The following KIAA1549 variants were observed in gnomAD, a reference collection of about 807,000 sequenced individuals.
KIAA1549 encodes UPF0606 protein KIAA1549.
Under a neutral mutation model 156.4 loss-of-function variants are expected in KIAA1549, and 70 were observed. That is an observed-to-expected ratio of 0.45 (90% CI 0.37 to 0.55). The LOEUF is 0.55. Ranked by LOEUF, KIAA1549 falls within the 20% of genes least tolerant of loss-of-function variation. The pLI is 0.00. For synonymous variants in KIAA1549, 1,103 were observed against 1,066.4 expected (o/e 1.03, Z -0.67); for missense variants, 2,428 against 2,540.9 (o/e 0.96, Z 0.96).
At chr7:138,852,343 AT>A in intron 16 of KIAA1549, 74 bp from the exon 17 acceptor site, 1 of 1,013,734 alleles carries the variant, frequency 9.9e-7, no homozygotes, top group Admixed American at 2.7e-5. Flanking sequence ...AAACTTATAA[AT>A]TCAGCTTTAC....
chr7:138,865,419 C>G (rs1369269702), intron 15 of KIAA1549, among the ~76,000 whole-genome samples: 3 of 151,342 alleles, frequency 2.0e-5, no homozygotes, highest in African/African-American at 7.3e-5. Context: ...CATAGTACTT[C>G]CCTAGTATAG....
intron 15 of KIAA1549, among the ~76,000 whole-genome samples, chr7:138,864,290 C>T (rs1462644840): frequency 6.6e-6 from 1 of 152,200 alleles, no homozygotes; most frequent in Non-Finnish European, 1.5e-5. Flanking sequence ...ATCTCATTCT[C>T]AGTGGCCAGA....
chr7:138,917,969 C>G lies in KIAA1549; in HGVS notation c.1657G>C (p.Val553Leu). The change falls in exon 2 of 20, where the codon GTG (valine) becomes CTG (leucine). Residue 553 changes from valine to leucine, a missense_variant. Physicochemically the swap from Val to Leu is conservative, Grantham distance 32 (BLOSUM62 1). Transcript: ENST00000422774. ...VAETQVTPSSVTTAFFSVITS... is the reference protein window; with the variant it reads ...VAETQVTPSSLTTAFFSVITS... The stretch of plus-strand genomic sequence containing the variant: ...ATGACCGAGAAAAATGCAGTGGTCA[C>G]GCTGGATGGCGTCACTTGGGTTTCA... The G allele has an allele frequency of 1.3e-6, 2 of 1,591,298 alleles. No homozygotes were observed. The highest frequency in any genetic ancestry group is 1.7e-6 in the Non-Finnish European group (2 of 1,168,872).
intron 10 of KIAA1549, among the ~76,000 whole-genome samples, 178 bp from the exon 11 acceptor site, chr7:138,881,762 G>A (rs1221886918): frequency 1.3e-5 from 2 of 152,208 alleles, no homozygotes; most frequent in Non-Finnish European, 2.9e-5. Flanking sequence ...GGAGAAGACA[G>A]GCACTTGTGA....
At chr7:138,855,911 A>T (rs550629650) in intron 16 of KIAA1549, among the ~76,000 whole-genome samples, 65 of 152,222 alleles carry the variant, frequency 4.3e-4, no homozygotes, top group African/African-American at 1.5e-3. Context: ...CCATGAGATG[A>T]CTGGTTCCTC....
rs750093980 is a variant in KIAA1549, at chr7:138,907,078, A to G, written c.3301T>C (p.Ser1101Pro). Residue 1101 changes from serine (S) to proline (P), a missense_variant, in exon 6 of 20, where the codon TCA (serine) becomes CCA (proline). This residue lies in a region of KIAA1549 where 762 missense variants were observed against 901.6 expected (regional missense o/e 0.85). Transcript: ENST00000422774. The part of the protein sequence containing the change: ...VQILNITISS[S>P]RVTPRRGPVN... ...GGGCCCCGCCGAGGAGTCACCCTTG[A>G]GGAACTGATGGTGATATTCAAGATC... is the stretch of plus-strand genomic sequence containing the variant. 1 of 1,602,130 alleles carries G rather than the reference A, an allele frequency of 6.2e-7. No individual in the cohort carries two copies. Among genetic ancestry groups the G allele is most frequent in the East Asian group, 2.2e-5 (1 of 44,630 alleles).
In KIAA1549 at chr7:138,869,630, T is replaced by C. The variant is rs1307195252; in HGVS notation, c.4683A>G (p.Arg1561=). The part of the protein sequence containing the change: ...DDLSSGDTKE[R]HRVYRRAQMQ... ...TCTGTGCCCTGCGGTACACCCGGTG[T>C]CGCTCCTTAGTGTCGCCCGAGGACA... The change falls in exon 14 of 20, where the codon CGA becomes CGG. Residue 1561 remains arginine (R), a synonymous_variant. Transcript: ENST00000422774. 9.3e-6 allele frequency: 15 copies of C among 1,609,560 alleles called. No individual in the cohort carries two copies. The highest frequency in any genetic ancestry group is 1.3e-5 in the Non-Finnish European group (15 of 1,178,884).
At chr7:138,969,901 C>T (rs910218537) in intron 1 of KIAA1549, among the ~76,000 whole-genome samples, 5 of 152,126 alleles carry the variant, frequency 3.3e-5, no homozygotes, top group African/African-American at 9.7e-5. Context: ...GATACAGGTA[C>T]GTAATGCATA....
chr7:138,971,371 CCTT>C (rs943853858), intron 1 of KIAA1549, among the ~76,000 whole-genome samples: 5 of 152,108 alleles, frequency 3.3e-5, no homozygotes, highest in Non-Finnish European at 7.3e-5. Flanking sequence ...ACCTGTTTCT[CCTT>C]CTGTTTTCCT....
intron 10 of KIAA1549, among the ~76,000 whole-genome samples, chr7:138,893,799 G>A (rs1453516376): frequency 2.6e-5 from 4 of 152,192 alleles, no homozygotes; most frequent in East Asian, 1.9e-4. Context: ...GGCCTGGTGC[G>A]GTGGCTCATG....
Position 138,909,010 on chromosome 7 carries a change from G to A in KIAA1549, c.3257C>T (p.Thr1086Met), listed in dbSNP as rs1444262791. The A allele has an allele frequency of 1.5e-5, 25 of 1,614,014 alleles. No homozygotes were observed. Among genetic ancestry groups the A allele is most frequent in the Middle Eastern group, 1.6e-4 (1 of 6,062 alleles). The change falls in exon 5 of 20, where the codon ACG becomes ATG. Residue 1086 changes from threonine (T) to methionine (M), a missense_variant. Thr to Met is a moderately conservative substitution (Grantham distance 81). Around this residue, in one of 5 missense-constraint regions of KIAA1549, gnomAD observed 762 missense variants for 901.6 expected, o/e 0.85. Transcript: ENST00000422774. ...TCTCACCTGCACCGTGAGGTTATAC[G>A]TTCCCTGGTGGTGTTTTCTCACTTC... is the stretch of plus-strand genomic sequence containing the variant. ...LFEVRKHHQG[T>M]YNLTVQILNI...
At chr7:138,949,582 C>A (rs960434118) in intron 1 of KIAA1549, among the ~76,000 whole-genome samples, 35 of 152,110 alleles carry the variant, frequency 2.3e-4, no homozygotes, top group African/African-American at 8.4e-4. Flanking sequence ...GCCTGTAGGA[C>A]TCCACAAACA....
At chr7:138,953,193 T>TA (rs1813549964) in intron 1 of KIAA1549, among the ~76,000 whole-genome samples, 2 of 152,054 alleles carry the variant, frequency 1.3e-5, no homozygotes, top group African/African-American at 2.4e-5. Context: ...TCATCTCTAC[T>TA]AAAAATACAA....
Position 138,907,088 on chromosome 7 carries a change from G to C in KIAA1549, c.3291C>G (p.Thr1097=), listed in dbSNP as rs1242364727. 1.3e-6 allele frequency: 2 copies of C among 1,589,056 alleles called. No homozygotes were observed. The highest frequency in any genetic ancestry group is 1.7e-6 in the Non-Finnish European group (2 of 1,171,160). Residue 1097 remains threonine, a synonymous_variant, in exon 6 of 20, where the codon ACC becomes ACG. Coordinates refer to ENST00000422774, the MANE Select transcript of KIAA1549 (RefSeq NM_001164665.2). ...GAGGAGTCACCCTTGAGGAACTGAT[G>C]GTGATATTCAAGATCTGAAAGAATA... The part of the protein sequence containing the change: ...YNLTVQILNI[T]ISSSRVTPRR...
chr7:138,972,865 A>C (rs1053769708), intron 1 of KIAA1549, among the ~76,000 whole-genome samples: 1 of 152,160 alleles, frequency 6.6e-6, no homozygotes, highest in African/African-American at 2.4e-5. Flanking sequence ...TCTGTCACCC[A>C]GGCTGGAGTA....
intron 10 of KIAA1549, among the ~76,000 whole-genome samples, chr7:138,883,248 A>C (rs6979589): frequency 1.1e-4 from 16 of 142,350 alleles, no homozygotes; most frequent in Non-Finnish European, 2.0e-4. Flanking sequence ...ACTCCAGCCC[A>C]GGTGAAAGAG....
chr7:138,942,739 T>C (rs1813219998), intron 1 of KIAA1549, among the ~76,000 whole-genome samples: 1 of 151,870 alleles, frequency 6.6e-6, no homozygotes, highest in Non-Finnish European at 1.5e-5. Context: ...TGAAACCCCA[T>C]CTCTACTGAA....
rs1437720939 is a variant in KIAA1549, at chr7:138,909,143, G to A, written c.3146-22C>T. 2.5e-6 allele frequency: 4 copies of A among 1,603,280 alleles called. No homozygotes were observed. In the Admixed American group the frequency reaches 6.9e-5, roughly 28 times the overall value. On this transcript the variant is annotated intron_variant, in intron 4 of 19. Coordinates refer to ENST00000422774, the MANE Select transcript of KIAA1549 (RefSeq NM_001164665.2). ...AGTACTGAAAAGAAAAGCAATCAAA[G>A]TCCCATAAATGAGGTGTTTGTGCTT...
intron 1 of KIAA1549, among the ~76,000 whole-genome samples, chr7:138,962,676 C>A (rs1813889464): frequency 6.6e-6 from 1 of 152,168 alleles, no homozygotes; most frequent in African/African-American, 2.4e-5. Context: ...CCGAACACAG[C>A]CAAGTGAGTG....
Sources: allele counts gnomAD v4.1 joint callset (sites outside exome capture counted in the v4.1 genomes callset), GRCh38; gene constraint gnomAD v4.1.1; regional missense constraint gnomAD v4.1.1; transcripts MANE v1.5; gene names NCBI Gene and HGNC (gene_info 2026-07-23, HGNC 2026-07-21).